The following GRID2 variants were observed in gnomAD, a reference collection of about 807,000 sequenced individuals.
GRID2 encodes the protein glutamate ionotropic receptor delta type subunit 2, also known as glutamate receptor ionotropic, delta-2.
In GRID2, 33 loss-of-function variants were observed where a neutral mutation model predicts 114.8. The ratio of observed to expected loss-of-function variants is 0.29; its 90% confidence interval spans 0.22 to 0.38. GRID2 has a LOEUF of 0.38. Among genes scored for constraint, GRID2 ranks in the 10% least tolerant of loss-of-function variants. The pLI is 1.00. For synonymous variants in GRID2, 505 were observed against 449.9 expected (o/e 1.12, Z -1.55); for missense variants, 1,184 against 1,257.7 (o/e 0.94, Z 0.89).
chr4:93,462,597 T>G (rs1334779577), intron 11 of GRID2, among the ~76,000 whole-genome samples: 3 of 152,292 alleles, frequency 2.0e-5, no homozygotes, highest in African/African-American at 7.2e-5. Flanking sequence ...GAATCCAACT[T>G]TCTCATATCC....
At chr4:92,407,729 T>A (rs1255263627) in intron 1 of GRID2, among the ~76,000 whole-genome samples, 1 of 152,214 alleles carries the variant, frequency 6.6e-6, no homozygotes, top group African/African-American at 2.4e-5. Context: ...TTGTATGTTT[T>A]CTTTTGAGAA....
intron 13 of GRID2, among the ~76,000 whole-genome samples, chr4:93,622,881 A>C (rs1742338560): frequency 6.6e-6 from 1 of 152,162 alleles, no homozygotes; most frequent in Admixed American, 6.5e-5. Flanking sequence ...TTGATATTCC[A>C]TTCTTTTTTC....
intron 1 of GRID2, among the ~76,000 whole-genome samples, chr4:92,466,637 T>A (rs1721765262): frequency 6.6e-6 from 1 of 151,688 alleles, no homozygotes; most frequent in African/African-American, 2.4e-5. Flanking sequence ...GTCGTTTCCC[T>A]ATTAAATCAG....
chr4:93,404,981 T>G (rs888190765), intron 9 of GRID2, among the ~76,000 whole-genome samples: 1 of 152,118 alleles, frequency 6.6e-6, no homozygotes, highest in Non-Finnish European at 1.5e-5. Context: ...GACAATTCAG[T>G]AAGAAATTTC....
chr4:93,733,620 A>G (rs1274637602), intron 14 of GRID2, among the ~76,000 whole-genome samples: 1 of 152,088 alleles, frequency 6.6e-6, no homozygotes, highest in Non-Finnish European at 1.5e-5. Flanking sequence ...ACCCAAGGAA[A>G]GAGACTTCCT....
At chr4:92,351,780 A>G (rs1728080703) in intron 1 of GRID2, among the ~76,000 whole-genome samples, 2 of 151,838 alleles carry the variant, frequency 1.3e-5, no homozygotes, top group South Asian at 2.1e-4. Flanking sequence ...AGTGCCTGAT[A>G]TATTTCATTA....
At chr4:93,324,399 A>T (rs1366311048) in intron 8 of GRID2, among the ~76,000 whole-genome samples, 5 of 151,712 alleles carry the variant, frequency 3.3e-5, no homozygotes, top group South Asian at 2.1e-4. Context: ...GGATGAAGCC[A>T]ACTTCATTGT....
At position 92,304,398 on chromosome 4, in the gene GRID2, C is replaced by G. The variant is rs1340335961; in HGVS notation, c.-259C>G. The stretch of plus-strand genomic sequence containing the variant: ...CTGGATATATTTTTCAAAAGCCAAA[C>G]TGCAAACAACTCTGGCGATGCCAAA... On this transcript the variant is annotated 5_prime_UTR_variant, in exon 1 of 16. Transcript: ENST00000282020. The G allele has an allele frequency of 3.7e-6, 2 of 542,588 alleles. No homozygotes were observed. Among genetic ancestry groups the G allele is most frequent in the East Asian group, 3.3e-5 (1 of 30,008 alleles). 33.6% of individuals were successfully genotyped at this position (542,588 alleles called of 1,614,324 possible).
At chr4:92,477,249 A>T (rs1405309608) in intron 1 of GRID2, among the ~76,000 whole-genome samples, 1 of 152,038 alleles carries the variant, frequency 6.6e-6, no homozygotes, top group East Asian at 1.9e-4. Flanking sequence ...TGCAGCACTT[A>T]CTTTTCCATA....
At chr4:92,934,402 C>T (rs187195499) in intron 2 of GRID2, among the ~76,000 whole-genome samples, 11,981 of 142,472 alleles carry the variant, frequency 0.084, 808 homozygotes, top group East Asian at 0.19. Flanking sequence ...TTTGCTGAAG[C>T]TGCTTATCAG....
intron 2 of GRID2, among the ~76,000 whole-genome samples, chr4:92,983,291 G>A (rs974522562): frequency 5.9e-5 from 9 of 152,056 alleles, no homozygotes; most frequent in African/African-American, 2.2e-4. Context: ...ACTTTTTACT[G>A]TGTCATTACA....
At chr4:92,485,734 A>G (rs1449483759) in intron 1 of GRID2, among the ~76,000 whole-genome samples, 1 of 151,944 alleles carries the variant, frequency 6.6e-6, no homozygotes. Context: ...ACAATTTGCA[A>G]AAATATCTGT....
At chr4:93,421,227 G>A (rs1768255986) in intron 9 of GRID2, among the ~76,000 whole-genome samples, 1 of 152,068 alleles carries the variant, frequency 6.6e-6, no homozygotes, top group Non-Finnish European at 1.5e-5. Context: ...AAACCACCCT[G>A]TTTACATCAC....
At chr4:92,988,181 G>T (rs1754628282) in intron 2 of GRID2, among the ~76,000 whole-genome samples, 1 of 151,974 alleles carries the variant, frequency 6.6e-6, no homozygotes, top group Non-Finnish European at 1.5e-5. Context: ...TCTGGCTCAG[G>T]GTTCATTACA....
intron 8 of GRID2, among the ~76,000 whole-genome samples, chr4:93,257,970 ATGTG>A (rs929411475): frequency 1.2e-5 from 1 of 86,578 alleles, no homozygotes; most frequent in African/African-American, 4.6e-5. Flanking sequence ...TACACACAAT[ATGTG>A]TGTGTATATA....
intron 2 of GRID2, among the ~76,000 whole-genome samples, chr4:92,658,514 AAG>A (rs1191490154): frequency 1.3e-5 from 2 of 151,742 alleles, no homozygotes; most frequent in Non-Finnish European, 2.9e-5. Flanking sequence ...TTGTGTTTGG[AAG>A]AGCTAAGCAA....
intron 1 of GRID2, among the ~76,000 whole-genome samples, chr4:92,476,585 C>T (rs1722324515): frequency 6.6e-6 from 1 of 151,980 alleles, no homozygotes; most frequent in Non-Finnish European, 1.5e-5. Context: ...ATCATTTTAC[C>T]TAGTTAAAAT....
At chr4:93,796,088 G>T (rs1260395363) in intron 1 of GRID2, among the ~76,000 whole-genome samples, 5 of 152,174 alleles carry the variant, frequency 3.3e-5, no homozygotes, top group Non-Finnish European at 5.9e-5. Flanking sequence ...AGCTCTTAAG[G>T]TTGCCCACAG....
At chr4:92,751,271 T>C (rs572043193) in intron 2 of GRID2, among the ~76,000 whole-genome samples, 7 of 152,232 alleles carry the variant, frequency 4.6e-5, no homozygotes, top group East Asian at 3.9e-4. Context: ...AAAAATAATA[T>C]AGTTTTAAGC....
Sources: allele counts gnomAD v4.1 joint callset (sites outside exome capture counted in the v4.1 genomes callset), GRCh38; gene constraint gnomAD v4.1.1; transcripts MANE v1.5; gene names NCBI Gene and HGNC (gene_info 2026-07-23, HGNC 2026-07-21).